The following NCAPD2 variants were observed in gnomAD, a reference collection of about 807,000 sequenced individuals.
NCAPD2 encodes the protein non-SMC condensin I complex subunit D2.
In NCAPD2, 100 loss-of-function variants were observed where a neutral mutation model predicts 164.5. The ratio of observed to expected loss-of-function variants is 0.61; its 90% CI spans 0.52 to 0.72. The LOEUF is 0.72. Ranked by LOEUF, NCAPD2 falls within the 30% of genes least tolerant of loss-of-function variation. The probability of loss-of-function intolerance (pLI) is 0.00; values close to 1 mark genes in which losing one functional copy is unlikely to be tolerated. For missense variants in NCAPD2, 1,560 were observed against 1,749.2 expected, an observed-to-expected ratio of 0.89 and a Z score of 1.93; for synonymous variants, 585 against 642.6, an observed-to-expected ratio of 0.91 and a Z score of 1.36.
Position 6,519,133 on chromosome 12 carries a change from G to C in NCAPD2, c.1589+1174G>C, listed in dbSNP as rs367921787. On this transcript the variant is annotated intron_variant, in intron 13 of 31. Transcript: ENST00000315579. ...TCTCAATCTCCTGACCTCGTGATCC[G>C]CCTGCCTCGGCCTCCCAAAGTGCTG... is the stretch of plus-strand genomic sequence containing the variant. 1.7e-3 allele frequency among the ~76,000 whole-genome samples: 264 copies of C among 151,550 alleles called. 7 individuals carry two copies. In the South Asian group the frequency reaches 0.039, roughly 23 times the overall value.
rs935865002 is a variant in NCAPD2 at position 6,504,704 on chromosome 12, T to A, written c.128-5013T>A. Among the ~76,000 whole-genome samples, 3 of 152,236 alleles carry A rather than the reference T, an allele frequency of 2.0e-5. No homozygotes were observed. The East Asian group carries it at 5.8e-4, about 29-fold the overall frequency. On this transcript the variant is annotated intron_variant, in intron 2 of 31. Transcript: ENST00000315579. ...ACCGCGTCGAGCCTTAATACATATG[T>A]TTTTTATGTTATGTATATTATTTAC...
rs528077251 is a variant in NCAPD2, at chr12:6,528,599, T to A, written c.3300-80T>A. 74 of 1,465,216 alleles carry A rather than the reference T, an allele frequency of 5.1e-5. No individual in the cohort carries two copies. The African/African-American group carries it at 1.0e-3, about 20-fold the overall frequency. The allele number at this position is 1,465,216 out of a possible 1,614,324, so 90.8% of individuals were successfully genotyped here. The stretch of plus-strand genomic sequence containing the variant: ...AGTGGCAGAGCATGGGATAATTGAT[T>A]CCTGCTGAGGGCCTTTTCTACCAGT... On this transcript the variant is annotated intron_variant, in intron 25 of 31. Transcript: ENST00000315579. The surrounding 1 kb of genome is among the most constrained non-coding windows in gnomAD (Gnocchi z 5.1).
chr12:6,517,044 G>A lies in NCAPD2; in HGVS notation c.1185+19G>A. 6.2e-7 allele frequency: 1 copy of A among 1,612,768 alleles called. No individual in the cohort carries two copies. Among genetic ancestry groups the A allele is most frequent in the African/African-American group, 1.3e-5 (1 of 74,972 alleles). On this transcript the variant is annotated intron_variant, in intron 10 of 31. Coordinates refer to ENST00000315579, the MANE Select transcript of NCAPD2 (RefSeq NM_014865.4). ...GCAGAAGGTAACCAACTTCTATGTG[G>A]CAAAAACATATGGTACCTCTCCATA...
chr12:6,518,512 T>TTTTTTTTTTTTTTG, intron 13 of NCAPD2, among the ~76,000 whole-genome samples: 1 of 103,516 alleles, frequency 9.7e-6, no homozygotes, highest in East Asian at 2.6e-4. Flanking sequence ...AAGTTTTTTT[T>TTTTTTTTTTTTTTG]TTTTTTTTTT....
In NCAPD2 at chr12:6,518,504, GTTTTTTTTTTTTTTTTT is replaced by G. The variant is rs56183938; in HGVS notation, c.1589+559_1589+575del. ...CAAAAGCCCTTACAGCCGTCAACAA[GTTTTTTTTTTTTTTTTT>G]TTTTTTTTTTTTTGAGATGGAGTCT... On this transcript the variant is annotated intron_variant, in intron 13 of 31. Transcript: ENST00000315579. 3.8e-4 allele frequency among the ~76,000 whole-genome samples: 17 copies of G among 44,782 alleles called. No individual in the cohort carries two copies. The East Asian group carries it at 9.5e-3, about 25-fold the overall frequency. The allele number at this position is 44,782 out of a possible 152,430, so 29.4% of individuals were successfully genotyped here. A position where few individuals can be genotyped will look rare whatever the true frequency, so the allele number is the denominator to read the frequency against.
chr12:6,510,913 T>C (rs1441954549), intron 5 of NCAPD2, 103 bp downstream of exon 5: 7 of 1,430,522 alleles, frequency 4.9e-6, no homozygotes, highest in African/African-American at 1.4e-5. Context: ...TCTGTCCTCA[T>C]TGAGAATTTA....
chr12:6,527,457 T>A (rs1176224600), intron 22 of NCAPD2, among the ~76,000 whole-genome samples: 1 of 152,236 alleles, frequency 6.6e-6, no homozygotes, highest in African/African-American at 2.4e-5. Flanking sequence ...CACAGAGCCT[T>A]GCAGCGCTGG....
rs767129732 is a variant in NCAPD2 at position 6,527,837 on chromosome 12, G to A, written c.2968G>A (p.Asp990Asn). Residue 990 changes from aspartate to asparagine, a missense_variant, in exon 23 of 32, where the codon GAC becomes AAC. Physicochemically the swap from Asp to Asn is conservative, Grantham distance 23. Coordinates refer to ENST00000315579, the MANE Select transcript of NCAPD2 (RefSeq NM_014865.4). ...GGGGCTGGTTGGGGCAACAGCAGAT[G>A]ACACAGAGGCAGAACTAATCCGTGG... ...ELGLVGATAD[D>N]TEAELIRGIC... The A allele has an allele frequency of 6.2e-7, 1 of 1,613,978 alleles. No homozygotes were observed. The highest frequency in any genetic ancestry group is 8.5e-7 in the Non-Finnish European group (1 of 1,179,854).
At chr12:6,498,671 GATCTCAGCTC>G (rs1281682436) in intron 2 of NCAPD2, among the ~76,000 whole-genome samples, 1 of 151,438 alleles carries the variant, frequency 6.6e-6, no homozygotes, top group African/African-American at 2.4e-5. Flanking sequence ...GCAGTGCTGT[GATCTCAGCTC>G]ACTGCAACCT....
At chr12:6,494,751 G>A (rs7955645) in intron 1 of NCAPD2, among the ~76,000 whole-genome samples, 54,084 of 152,090 alleles carry the variant, frequency 0.36, 10,451 homozygotes, top group African/African-American at 0.52. Context: ...GAGCAACTTT[G>A]TGAAGTAATC....
At chr12:6,527,177 C>T in intron 22 of NCAPD2, 114 bp downstream of exon 22, 1 of 1,174,724 alleles carries the variant, frequency 8.5e-7, no homozygotes, top group South Asian at 1.7e-5. Flanking sequence ...CGAAGAGTTT[C>T]TGCCTCTCTG....
At chr12:6,526,806 G>A in intron 21 of NCAPD2, 85 bp from the exon 22 acceptor site, 1 of 1,496,506 alleles carries the variant, frequency 6.7e-7, no homozygotes, top group Non-Finnish European at 9.1e-7. Context: ...ACGTGAGCAA[G>A]GGGAAGATCA....
At position 6,510,839 on chromosome 12, in the gene NCAPD2, A is replaced by G. The variant is rs112816350; in HGVS notation, c.444+29A>G. ...ATTTGGAGTTTTGGGCTCACGTTAT[A>G]TGGGGTCTGGGGAGATAGGGGAATA... is the stretch of plus-strand genomic sequence containing the variant. On this transcript the variant is annotated intron_variant, in intron 5 of 31. Transcript: ENST00000315579. The G allele has an allele frequency of 8.5e-5, 137 of 1,610,996 alleles. 1 individual carries two copies. In the African/African-American group the frequency reaches 1.6e-3, roughly 19 times the overall value.
chr12:6,511,650 G>A (rs1268006600), intron 6 of NCAPD2, among the ~76,000 whole-genome samples: 2 of 151,972 alleles, frequency 1.3e-5, no homozygotes, highest in Admixed American at 1.3e-4. Context: ...TTTAAAATAA[G>A]TAAAATAAGT....
intron 10 of NCAPD2, 25 bp downstream of exon 10, chr12:6,517,050 A>G: frequency 6.2e-7 from 1 of 1,609,698 alleles, no homozygotes; most frequent in South Asian, 1.1e-5. Flanking sequence ...TGTGGCAAAA[A>G]CATATGGTAC....
rs202035339 is a variant in NCAPD2, at chr12:6,514,326, C to T, written c.649C>T (p.Arg217Cys). 1.7e-4 allele frequency: 278 copies of T among 1,614,038 alleles called. No homozygotes were observed. The highest frequency in any genetic ancestry group is 2.1e-4 in the Non-Finnish European group (242 of 1,180,026). The change falls in exon 7 of 32, where the codon CGC becomes TGC. Residue 217 changes from arginine to cysteine, a missense_variant. Arg to Cys is a radical substitution (Grantham distance 180). Transcript: ENST00000315579. ...ENPTINHQKN[R>C]PTREAITHLL... ...TCCCACCATTAATCACCAGAAGAAC[C>T]GCCCCACTCGGGAAGCCATAACACA...
chr12:6,504,214 T>TACACATATATATATATATACAC (rs1225582051), intron 2 of NCAPD2, among the ~76,000 whole-genome samples: 1 of 21,174 alleles, frequency 4.7e-5, no homozygotes, highest in Non-Finnish European at 7.7e-5. Context: ...TATATATATA[T>TACACATATATATATATATACAC]ATAGATATAG....
At position 6,528,957 on chromosome 12, in the gene NCAPD2, T is replaced by G. The variant is rs1946345103; in HGVS notation, c.3490T>G (p.Tyr1164Asp). ...NELSHKGNAI[Y>D]NLLPDIISRL... is the part of the protein sequence containing the mutation. ...CTCTGTCTTACAGGGCAACGCAATC[T>G]ATAATCTCCTTCCAGATATCATCAG... Residue 1164 changes from tyrosine to aspartate, a missense_variant, in exon 27 of 32, where the codon TAT (tyrosine) becomes GAT (aspartate). Physicochemically the swap from Tyr to Asp is radical, Grantham distance 160. Coordinates refer to ENST00000315579, the MANE Select transcript of NCAPD2 (RefSeq NM_014865.4). This position sits in a 1 kb window ranked among gnomAD's most constrained non-coding sequence, Gnocchi z 5.1. The G allele has an allele frequency of 8.1e-6, 13 of 1,613,984 alleles. No homozygotes were observed. The highest frequency in any genetic ancestry group is 1.1e-5 in the Non-Finnish European group (13 of 1,180,036).
chr12:6,494,332 C>T (rs1425459011), intron 1 of NCAPD2, among the ~76,000 whole-genome samples, 178 bp downstream of exon 1: 1 of 51,026 alleles, frequency 2.0e-5, no homozygotes, highest in African/African-American at 1.3e-4. Flanking sequence ...CTTAACAGAT[C>T]CGCAACGGAA....
Sources: gnomAD v4.1 joint callset for allele counts (sites outside exome capture counted in the v4.1 genomes callset) on GRCh38, gnomAD v4.1.1 for gene constraint, Gnocchi (gnomAD v3.1) non-coding constraint, MANE v1.5 for transcripts, NCBI Gene and HGNC (gene_info 2026-07-23, HGNC 2026-07-21) for gene names.